SYNE2: variants seen among roughly 807,000 people sequenced by gnomAD.
SYNE2 encodes the protein nesprin-2.
Under a neutral mutation model 856.3 loss-of-function variants are expected in SYNE2, and 431 were observed. That is an observed-to-expected ratio of 0.50 (90% CI 0.47 to 0.55). The LOEUF (loss-of-function observed/expected upper bound fraction) is 0.55. Ranked by LOEUF, SYNE2 falls within the 20% of genes least tolerant of loss-of-function variation. The probability of loss-of-function intolerance (pLI) is 0.00; values close to 1 mark genes in which losing one functional copy is unlikely to be tolerated. For synonymous variants in SYNE2, 2,923 were observed against 2,872.3 expected (o/e 1.02, Z -0.56); for missense variants, 8,129 against 8,023.2 (o/e 1.01, Z -0.50).
At chr14:64,185,327 G>C (rs1227828992) in intron 96 of SYNE2, among the ~76,000 whole-genome samples, 1 of 152,066 alleles carries the variant, frequency 6.6e-6, no homozygotes, top group Non-Finnish European at 1.5e-5. Flanking sequence ...ACAGATAGGA[G>C]TGAAGACCCT....
chr14:64,097,221 A>G (rs989445784), intron 61 of SYNE2, among the ~76,000 whole-genome samples: 5 of 152,232 alleles, frequency 3.3e-5, no homozygotes, highest in Non-Finnish European at 7.3e-5. Context: ...TCATCTGTCC[A>G]TCATTCCCAT....
intron 31 of SYNE2, 147 bp from the exon 32 acceptor site, chr14:64,009,819 G>A: frequency 1.5e-6 from 1 of 674,828 alleles, no homozygotes. Context: ...ATCATTCTTA[G>A]GTTAAATTGG....
At chr14:63,884,837 T>G (rs1054627900) in intron 1 of SYNE2, among the ~76,000 whole-genome samples, 1 of 152,086 alleles carries the variant, frequency 6.6e-6, no homozygotes, top group African/African-American at 2.4e-5. Context: ...AGATGGGGTT[T>G]CACCGGGTTA....
At chr14:63,784,610 T>C (rs1887444136) in intron 1 of SYNE2, among the ~76,000 whole-genome samples, 1 of 152,062 alleles carries the variant, frequency 6.6e-6, no homozygotes, top group African/African-American at 2.4e-5. Context: ...TCTTCCCACC[T>C]GGGCCTCCCA....
chr14:63,995,806 T>C (rs1440736963), intron 23 of SYNE2, among the ~76,000 whole-genome samples: 1 of 152,134 alleles, frequency 6.6e-6, no homozygotes, highest in Non-Finnish European at 1.5e-5. Context: ...TATGTAAATA[T>C]ATAGCGATAT....
intron 84 of SYNE2, among the ~76,000 whole-genome samples, chr14:64,150,798 TG>T (rs1488888747): frequency 6.6e-6 from 1 of 152,142 alleles, no homozygotes; most frequent in East Asian, 1.9e-4. Context: ...AAAAGAAACA[TG>T]CTAATAAATA....
chr14:63,771,608 C>T (rs942438120), intron 1 of SYNE2, among the ~76,000 whole-genome samples: 1 of 152,074 alleles, frequency 6.6e-6, no homozygotes, highest in Non-Finnish European at 1.5e-5. Flanking sequence ...ATTAAAAACA[C>T]TAAACACAGG....
At chr14:63,957,652 A>G (rs1375533372) in intron 8 of SYNE2, among the ~76,000 whole-genome samples, 1 of 151,856 alleles carries the variant, frequency 6.6e-6, no homozygotes, top group African/African-American at 2.4e-5. Flanking sequence ...GCGGATCATG[A>G]GGGAAGGAGT....
At chr14:64,157,874 G>T (rs1433262947) in intron 85 of SYNE2, among the ~76,000 whole-genome samples, 2 of 152,124 alleles carry the variant, frequency 1.3e-5, no homozygotes, top group Non-Finnish European at 2.9e-5. Flanking sequence ...CATTATATAT[G>T]TTCTTTGGGG....
At chr14:63,958,608 C>T (rs942326928) in intron 8 of SYNE2, among the ~76,000 whole-genome samples, 2 of 152,292 alleles carry the variant, frequency 1.3e-5, no homozygotes, top group Admixed American at 6.5e-5. Context: ...TCAGGGTTCT[C>T]ATGGTAAAGT....
At chr14:64,141,177 C>T (rs910562136) in intron 80 of SYNE2, among the ~76,000 whole-genome samples, 164 bp from the exon 81 acceptor site, 1 of 151,806 alleles carries the variant, frequency 6.6e-6, no homozygotes, top group African/African-American at 2.4e-5. Flanking sequence ...TGTTCCCCAT[C>T]GTGTATGTAA....
chr14:63,865,710 A>ACCCCCCC (rs1429490991), intron 1 of SYNE2, among the ~76,000 whole-genome samples: 1 of 27,130 alleles, frequency 3.7e-5, no homozygotes, highest in Non-Finnish European at 8.4e-5. Flanking sequence ...AAAACTCTGT[A>ACCCCCCC]CCCACCCCCC....
intron 71 of SYNE2, 99 bp from the exon 72 acceptor site, chr14:64,126,228 A>G: frequency 2.8e-6 from 3 of 1,054,588 alleles, no homozygotes; most frequent in South Asian, 2.7e-5. Flanking sequence ...CAAAAGAAGC[A>G]TAACATAAAT....
chr14:63,966,520 C>G (rs2096394163), intron 10 of SYNE2, among the ~76,000 whole-genome samples: 1 of 151,496 alleles, frequency 6.6e-6, no homozygotes, highest in African/African-American at 2.4e-5. Context: ...CAGATCCTGT[C>G]TCCAAAAAAA....
intron 1 of SYNE2, among the ~76,000 whole-genome samples, chr14:63,773,549 G>A (rs560068206): frequency 2.0e-5 from 3 of 152,144 alleles, no homozygotes; most frequent in African/African-American, 7.2e-5. Context: ...TTTTTTCTTT[G>A]TTTGTTTTTA....
chr14:63,945,752 G>A (rs2096016462), intron 6 of SYNE2, among the ~76,000 whole-genome samples: 1 of 152,170 alleles, frequency 6.6e-6, no homozygotes, highest in African/African-American at 2.4e-5. Context: ...AGCCTCCTGA[G>A]TAGCTGGAAT....
intron 100 of SYNE2, among the ~76,000 whole-genome samples, chr14:64,204,989 A>G (rs1394220181): frequency 6.6e-6 from 1 of 152,028 alleles, no homozygotes; most frequent in African/African-American, 2.4e-5. Context: ...TCTGCCTTCA[A>G]CGCCGTCAAC....
chr14:64,125,676 C>G (rs1465426277), intron 71 of SYNE2, among the ~76,000 whole-genome samples: 1 of 152,150 alleles, frequency 6.6e-6, no homozygotes, highest in East Asian at 1.9e-4. Flanking sequence ...TTCAAGAATT[C>G]AGGGTAACTG....
intron 67 of SYNE2, 134 bp downstream of exon 67, chr14:64,119,743 AC>A: frequency 1.2e-6 from 1 of 851,462 alleles, no homozygotes; most frequent in South Asian, 1.8e-5. Flanking sequence ...TCACACATTA[AC>A]ACCATAGATG....
Sources: gnomAD v4.1 joint callset for allele counts (sites outside exome capture counted in the v4.1 genomes callset) on GRCh38, gnomAD v4.1.1 for gene constraint, MANE v1.5 for transcripts, NCBI Gene and HGNC (gene_info 2026-07-23, HGNC 2026-07-21) for gene names.